The following SDK1 variants were observed in gnomAD, a reference collection of about 807,000 sequenced individuals.
SDK1 encodes the protein sidekick cell adhesion molecule 1, also known as protein sidekick-1.
A neutral mutation model predicts 245.5 loss-of-function variants in SDK1; 157 were observed. The ratio of observed to expected loss-of-function variants is 0.64; its 90% CI spans 0.56 to 0.73. The LOEUF (loss-of-function observed/expected upper bound fraction) is 0.73, where lower values mean the gene tolerates loss of function less well. SDK1 is among the 30% of genes least tolerant of loss of function. The pLI, the probability that SDK1 is intolerant of heterozygous loss-of-function variation, is 0.00. For missense variants in SDK1, 3,583 were observed against 3,002.3 expected (o/e 1.19, Z -4.52); for synonymous variants, 1,647 against 1,278.5 (o/e 1.29, Z -6.15).
intron 5 of SDK1, among the ~76,000 whole-genome samples, chr7:3,863,607 C>G (rs887414367): frequency 6.6e-6 from 1 of 152,208 alleles, no homozygotes; most frequent in Non-Finnish European, 1.5e-5. Context: ...AGCATCCTCA[C>G]TCTCTCTATA....
At chr7:3,554,536 C>T (rs1779521421) in intron 1 of SDK1, among the ~76,000 whole-genome samples, 1 of 152,104 alleles carries the variant, frequency 6.6e-6, no homozygotes, top group Non-Finnish European at 1.5e-5. Context: ...AGAGATTGTA[C>T]TCACTCCTCC....
chr7:4,077,928 A>G (rs764755067), intron 21 of SDK1, among the ~76,000 whole-genome samples: 3 of 152,192 alleles, frequency 2.0e-5, no homozygotes, highest in Non-Finnish European at 4.4e-5. Flanking sequence ...ATTGGTATAT[A>G]TAGCGACCAA....
At chr7:3,790,439 G>A (rs1391100397) in intron 4 of SDK1, among the ~76,000 whole-genome samples, 1 of 152,132 alleles carries the variant, frequency 6.6e-6, no homozygotes, top group Non-Finnish European at 1.5e-5. Flanking sequence ...GAATAGTGTG[G>A]AAAGGTGGGT....
chr7:4,119,435 G>A lies in SDK1; in HGVS notation c.3823+5161G>A, dbSNP rs140985242. 6.9e-3 allele frequency among the ~76,000 whole-genome samples: 1,024 copies of A among 148,304 alleles called. 57 individuals carry two copies. The highest frequency in any genetic ancestry group is 0.024 in the African/African-American group (981 of 40,620). ...ATACCCCTGCACTGCAGCCTGGGTG[G>A]CAGAGCAAGACCCTGTCTCTAAAAA... On this transcript the variant is annotated intron_variant, in intron 25 of 44. Transcript: ENST00000404826.
At chr7:4,189,463 C>T (rs1783068239) in intron 35 of SDK1, among the ~76,000 whole-genome samples, 2 of 152,220 alleles carry the variant, frequency 1.3e-5, no homozygotes, top group South Asian at 4.1e-4. Context: ...CTGCCCAGCT[C>T]AGATGAGAGC....
intron 22 of SDK1, among the ~76,000 whole-genome samples, chr7:4,107,685 G>A (rs1345294002): frequency 6.6e-6 from 1 of 152,024 alleles, no homozygotes; most frequent in Non-Finnish European, 1.5e-5. Flanking sequence ...AAAAAATGTG[G>A]GGCTTGGTCC....
chr7:3,316,852 T>C (rs1779675720), intron 1 of SDK1, among the ~76,000 whole-genome samples: 1 of 152,150 alleles, frequency 6.6e-6, no homozygotes, highest in Non-Finnish European at 1.5e-5. Flanking sequence ...ACAGAATTGG[T>C]GTTTTTGGGC....
rs1439653283 is a variant in SDK1, at chr7:3,481,645, A to G, written c.299-137435A>G. Among the ~76,000 whole-genome samples, 5 of 152,288 alleles carry G rather than the reference A, an allele frequency of 3.3e-5. No individual in the cohort carries two copies. In the East Asian group the frequency reaches 9.6e-4, roughly 29 times the overall value. ...TGTGTACAGGGTTACCTCAGGGCTCACTGTGTCCCTTGGGAAAGGTCACGG... is the reference window on the plus strand; with the variant it reads ...TGTGTACAGGGTTACCTCAGGGCTCGCTGTGTCCCTTGGGAAAGGTCACGG... On this transcript the variant is annotated intron_variant, in intron 1 of 44. Transcript: ENST00000404826.
chr7:3,463,486 G>A lies in SDK1; in HGVS notation c.299-155594G>A, dbSNP rs546501411. On this transcript the variant is annotated intron_variant, in intron 1 of 44. Coordinates refer to ENST00000404826, the MANE Select transcript of SDK1 (RefSeq NM_152744.4). The stretch of plus-strand genomic sequence containing the variant: ...TGCTAAAAGCCTTGCTTCCTCACCT[G>A]TTAAATAGGGATAATAATTATATAC... Among the ~76,000 whole-genome samples the A allele has an allele frequency of 1.1e-4, 17 of 152,176 alleles. No homozygotes were observed. The South Asian group carries it at 3.3e-3, about 30-fold the overall frequency.
At chr7:4,024,654 A>G (rs1051140173) in intron 17 of SDK1, among the ~76,000 whole-genome samples, 3 of 152,152 alleles carry the variant, frequency 2.0e-5, no homozygotes, top group African/African-American at 7.2e-5. Flanking sequence ...GTCACATAAG[A>G]TAAGCATCAT....
chr7:3,917,112 T>C (rs1484130446), intron 5 of SDK1, among the ~76,000 whole-genome samples: 4 of 152,230 alleles, frequency 2.6e-5, no homozygotes, highest in Non-Finnish European at 4.4e-5. Flanking sequence ...TGAAATAGTA[T>C]AAAACATACA....
At chr7:3,920,542 A>G (rs1441736932) in intron 5 of SDK1, among the ~76,000 whole-genome samples, 1 of 152,064 alleles carries the variant, frequency 6.6e-6, no homozygotes, top group East Asian at 1.9e-4. Context: ...GTATGTAAGG[A>G]ACAGATTAAG....
chr7:3,546,902 A>G (rs1583150849), intron 1 of SDK1, among the ~76,000 whole-genome samples: 1 of 152,182 alleles, frequency 6.6e-6, no homozygotes, highest in Non-Finnish European at 1.5e-5. Flanking sequence ...TCATCTCAAC[A>G]AGGAGGTGCT....
chr7:3,790,160 C>T (rs1389801691), intron 4 of SDK1, among the ~76,000 whole-genome samples: 1 of 152,164 alleles, frequency 6.6e-6, no homozygotes. Context: ...CTATTTTCTG[C>T]CGTCCTTCCT....
intron 5 of SDK1, among the ~76,000 whole-genome samples, chr7:3,870,790 T>C (rs1197851267): frequency 6.6e-6 from 1 of 152,222 alleles, no homozygotes; most frequent in Non-Finnish European, 1.5e-5. Context: ...TCCACTAATG[T>C]TTTTTGTCTG....
At chr7:3,335,005 C>G (rs1325312308) in intron 1 of SDK1, among the ~76,000 whole-genome samples, 1 of 152,126 alleles carries the variant, frequency 6.6e-6, no homozygotes, top group African/African-American at 2.4e-5. Context: ...ATTTATCACC[C>G]TGAATCCCAT....
intron 22 of SDK1, among the ~76,000 whole-genome samples, chr7:4,107,051 A>G (rs1208421424): frequency 1.3e-5 from 2 of 150,632 alleles, no homozygotes. Context: ...GCCCCCGCCC[A>G]GGACCCCAGC....
intron 4 of SDK1, among the ~76,000 whole-genome samples, chr7:3,662,542 G>T (rs746365205): frequency 6.6e-6 from 1 of 152,192 alleles, no homozygotes; most frequent in Non-Finnish European, 1.5e-5. Context: ...TCTTCCTGGA[G>T]GTCCAGAGAG....
chr7:3,352,204 A>C (rs569915988), intron 1 of SDK1, among the ~76,000 whole-genome samples: 2 of 150,822 alleles, frequency 1.3e-5, no homozygotes, highest in South Asian at 4.2e-4. Flanking sequence ...CTGTCACTTA[A>C]ATACAAAATC....
Sources: gnomAD v4.1 joint callset for allele counts (sites outside exome capture counted in the v4.1 genomes callset) on GRCh38, gnomAD v4.1.1 for gene constraint, MANE v1.5 for transcripts, NCBI Gene and HGNC (gene_info 2026-07-23, HGNC 2026-07-21) for gene names.